The following KIAA1328 variants were observed in gnomAD, a reference collection of about 807,000 sequenced individuals.
The protein encoded by KIAA1328 is KIAA1328.
In KIAA1328, 52 loss-of-function variants were observed where a neutral mutation model predicts 68.1. The ratio of observed to expected loss-of-function variants is 0.76; its 90% CI spans 0.61 to 0.96. The LOEUF (loss-of-function observed/expected upper bound fraction) is 0.96. Among genes scored for constraint, KIAA1328 ranks in the 40% least tolerant of loss-of-function variants. KIAA1328 has a pLI of 0.00. For missense variants in KIAA1328, 641 were observed against 677.6 expected (o/e 0.95, Z 0.60); for synonymous variants, 232 against 239.4 (o/e 0.97, Z 0.28).
intron 6 of KIAA1328, among the ~76,000 whole-genome samples, chr18:37,004,105 T>A (rs2053687676): frequency 6.6e-6 from 1 of 152,108 alleles, no homozygotes; most frequent in South Asian, 2.1e-4. Flanking sequence ...TAGGATTGTT[T>A]TTTCTAGTTC....
At chr18:36,934,367 A>T (rs1420171265) in intron 5 of KIAA1328, among the ~76,000 whole-genome samples, 1 of 151,992 alleles carries the variant, frequency 6.6e-6, no homozygotes, top group African/African-American at 2.4e-5. Flanking sequence ...TGTGCAGGTT[A>T]GTTACATATG....
intron 7 of KIAA1328, among the ~76,000 whole-genome samples, chr18:37,125,056 G>A (rs919304186): frequency 5.9e-5 from 9 of 152,182 alleles, no homozygotes; most frequent in African/African-American, 2.2e-4. Context: ...GGCTGGACGT[G>A]GTGGCTCATG....
intron 4 of KIAA1328, among the ~76,000 whole-genome samples, chr18:36,875,698 T>C (rs898342336): frequency 2.5e-4 from 38 of 152,274 alleles, no homozygotes; most frequent in African/African-American, 8.2e-4. Flanking sequence ...GAACTTCCAA[T>C]ACTATGTTGA....
chr18:36,890,797 A>C (rs1331659522), intron 5 of KIAA1328, among the ~76,000 whole-genome samples: 2 of 152,264 alleles, frequency 1.3e-5, no homozygotes, highest in Non-Finnish European at 2.9e-5. Flanking sequence ...TGACTCAACA[A>C]AAAATGATAT....
intron 6 of KIAA1328, among the ~76,000 whole-genome samples, chr18:36,985,724 T>C (rs1056106598): frequency 2.0e-5 from 3 of 152,124 alleles, no homozygotes; most frequent in African/African-American, 7.2e-5. Context: ...TAAGGGATCA[T>C]AGACCTAAGT....
intron 9 of KIAA1328, among the ~76,000 whole-genome samples, chr18:37,187,136 C>T (rs1007996589): frequency 6.6e-6 from 1 of 151,920 alleles, no homozygotes; most frequent in Non-Finnish European, 1.5e-5. Flanking sequence ...TATACTCCAG[C>T]CTGGGTGACA....
At chr18:36,890,595 TG>T (rs2048653606) in intron 5 of KIAA1328, among the ~76,000 whole-genome samples, 1 of 152,098 alleles carries the variant, frequency 6.6e-6, no homozygotes, top group South Asian at 2.1e-4. Flanking sequence ...CGCTTGAACC[TG>T]GGAGGCAGAG....
intron 5 of KIAA1328, among the ~76,000 whole-genome samples, chr18:36,888,960 A>G (rs1351779768): frequency 6.6e-6 from 1 of 152,148 alleles, no homozygotes; most frequent in African/African-American, 2.4e-5. Context: ...TATTATACCA[A>G]CATTTATGGG....
At chr18:37,124,282 C>T (rs2058340791) in intron 7 of KIAA1328, among the ~76,000 whole-genome samples, 1 of 152,130 alleles carries the variant, frequency 6.6e-6, no homozygotes, top group Non-Finnish European at 1.5e-5. Flanking sequence ...CCTGGTTGCT[C>T]AAGCAAATAA....
chr18:36,829,258 C>G lies in KIAA1328; in HGVS notation c.58+62C>G, dbSNP rs1432210394. On this transcript the variant is annotated intron_variant, in intron 1 of 9. Transcript: ENST00000280020. ...CTCCACGGGACGGCGAGGGGCGAGC[C>G]GTCGCGTGGCAGTCCGAGAGCGGAG... 2.1e-6 allele frequency: 3 copies of G among 1,455,566 alleles called. No homozygotes were observed. In the South Asian group the frequency reaches 4.1e-5, roughly 20 times the overall value. The allele number at this position is 1,455,566 out of a possible 1,614,324, so 90.2% of individuals were successfully genotyped here.
chr18:36,893,465 TTGTGTGTGTGTGTG>T (rs141803952), intron 5 of KIAA1328, among the ~76,000 whole-genome samples: 3 of 120,648 alleles, frequency 2.5e-5, no homozygotes, highest in South Asian at 3.0e-4. Context: ...GTGTGTGTTT[TTGTGTGTGTGTGTG>T]TGTGTGTGTG....
At position 36,902,136 on chromosome 18, in the gene KIAA1328, G is replaced by T. The variant is rs539076422; in HGVS notation, c.448+16464G>T. On this transcript the variant is annotated intron_variant, in intron 5 of 9. Transcript: ENST00000280020. ...TTTTGCCACATGTGTTGCCAGACCG[G>T]ACATCATATGAAAGTTGCAAAAAAA... The T allele has an allele frequency of 2.0e-5, 3 of 151,688 alleles. No homozygotes were observed. The East Asian group carries it at 5.8e-4, about 30-fold the overall frequency. 9.4% of individuals were successfully genotyped at this position (151,688 alleles called of 1,614,324 possible). A position where few individuals can be genotyped will look rare whatever the true frequency, so the allele number is the denominator to read the frequency against.
intron 6 of KIAA1328, among the ~76,000 whole-genome samples, chr18:37,029,551 A>T (rs2054738319): frequency 6.6e-6 from 1 of 152,114 alleles, no homozygotes; most frequent in Non-Finnish European, 1.5e-5. Flanking sequence ...TTTTTTGTAG[A>T]GACAGGGTTT....
intron 9 of KIAA1328, among the ~76,000 whole-genome samples, chr18:37,180,192 A>ATGATT (rs1209378898): frequency 1.3e-5 from 2 of 152,052 alleles, no homozygotes; most frequent in African/African-American, 4.8e-5. Flanking sequence ...CATTGGCAGA[A>ATGATT]TGATTTTAGG....
Position 36,959,881 on chromosome 18 carries a change from G to A in KIAA1328, c.576+446G>A, listed in dbSNP as rs562091763. On this transcript the variant is annotated intron_variant, in intron 6 of 9. Coordinates refer to ENST00000280020, the MANE Select transcript of KIAA1328 (RefSeq NM_020776.3). ...ATATTAGGATATTTTGCATATGCTT[G>A]CATACATATATTAATCACATAAGTA... Among the ~76,000 whole-genome samples the A allele has an allele frequency of 6.6e-5, 10 of 152,324 alleles. No individual in the cohort carries two copies. The South Asian group carries it at 2.1e-3, about 32-fold the overall frequency.
chr18:37,090,067 C>T (rs1424745207), intron 7 of KIAA1328, among the ~76,000 whole-genome samples: 1 of 152,098 alleles, frequency 6.6e-6, no homozygotes, highest in African/African-American at 2.4e-5. Context: ...AATGTAAATT[C>T]CCTTGCCTGG....
chr18:36,993,895 T>C (rs2053286957), intron 6 of KIAA1328, among the ~76,000 whole-genome samples: 1 of 151,962 alleles, frequency 6.6e-6, no homozygotes, highest in Non-Finnish European at 1.5e-5. Flanking sequence ...TTCTATGTTA[T>C]TTCCTTCCGT....
At chr18:36,944,420 C>T (rs1342414342) in intron 5 of KIAA1328, among the ~76,000 whole-genome samples, 2 of 151,920 alleles carry the variant, frequency 1.3e-5, no homozygotes, top group Non-Finnish European at 2.9e-5. Flanking sequence ...CTACTAAAAA[C>T]ACAAAAATAT....
rs182795143 is a variant in KIAA1328, at chr18:36,926,094, G to C, written c.449-33214G>C. 8.6e-5 allele frequency among the ~76,000 whole-genome samples: 13 copies of C among 151,948 alleles called. No homozygotes were observed. In the East Asian group the frequency reaches 2.1e-3, roughly 25 times the overall value. The stretch of plus-strand genomic sequence containing the variant: ...AATGGGGCTTTATAGACATTTTCAT[G>C]TTTAGTTTACTATGACGCAAGCTTC... On this transcript the variant is annotated intron_variant, in intron 5 of 9. Transcript: ENST00000280020.
Sources: allele counts gnomAD v4.1 joint callset (sites outside exome capture counted in the v4.1 genomes callset), GRCh38; gene constraint gnomAD v4.1.1; transcripts MANE v1.5; gene names NCBI Gene and HGNC (gene_info 2026-07-23, HGNC 2026-07-21).